The following RARB variants were observed in gnomAD, a reference collection of about 807,000 sequenced individuals.
RARB encodes HBV-activated protein.
In RARB, 17 loss-of-function variants were observed where a neutral mutation model predicts 51.9. That is an observed-to-expected ratio of 0.33 (90% CI 0.22 to 0.49). The LOEUF (loss-of-function observed/expected upper bound fraction) is 0.49. Among genes scored for constraint, RARB ranks in the 20% least tolerant of loss-of-function variants. The probability of loss-of-function intolerance (pLI) is 0.99; values close to 1 mark genes in which losing one functional copy is unlikely to be tolerated. For missense variants in RARB, 369 were observed against 550.8 expected (o/e 0.67, Z 3.30); for synonymous variants, 215 against 195.4 (o/e 1.10, Z -0.84).
At chr3:24,836,955 C>T (rs1702352899) in intron 1 of RARB, among the ~76,000 whole-genome samples, 1 of 152,136 alleles carries the variant, frequency 6.6e-6, no homozygotes, top group South Asian at 2.1e-4. Context: ...GGTTGGATGT[C>T]CATCAATAAA....
chr3:25,237,767 T>C (rs963621510), intron 5 of RARB, among the ~76,000 whole-genome samples: 44 of 152,176 alleles, frequency 2.9e-4, no homozygotes, highest in Non-Finnish European at 1.2e-4. Flanking sequence ...TGGCAAATGC[T>C]ACTCTAGTCT....
At chr3:25,114,612 T>C (rs1271952878) in intron 3 of RARB, among the ~76,000 whole-genome samples, 2 of 152,184 alleles carry the variant, frequency 1.3e-5, no homozygotes, top group African/African-American at 4.8e-5. Context: ...GCAAGTGTTA[T>C]TGGCAGCAAC....
intron 2 of RARB, among the ~76,000 whole-genome samples, chr3:25,057,012 C>T (rs1698454864): frequency 6.6e-6 from 1 of 152,064 alleles, no homozygotes; most frequent in South Asian, 2.1e-4. Flanking sequence ...TTCATGGTGG[C>T]ACTCCCCAGT....
rs555752779 is a variant in RARB, at chr3:25,242,619, G to A, written c.178+68044G>A. Among the ~76,000 whole-genome samples the A allele has an allele frequency of 2.6e-5, 4 of 152,244 alleles. No individual in the cohort carries two copies. The East Asian group carries it at 7.7e-4, about 29-fold the overall frequency. On this transcript the variant is annotated intron_variant, in intron 5 of 11. Transcript: ENST00000383772. ...GTTCATCAAAGATCAGATGGTTGTA[G>A]ATGTGTGGCGTTATTTCTGAGGGCT...
intron 2 of RARB, among the ~76,000 whole-genome samples, chr3:24,960,430 G>T (rs988480929): frequency 2.6e-5 from 4 of 152,148 alleles, no homozygotes; most frequent in Non-Finnish European, 5.9e-5. Flanking sequence ...CCCAACCTAT[G>T]ATGAGCTCCA....
At chr3:25,040,654 G>A (rs1013706762) in intron 2 of RARB, among the ~76,000 whole-genome samples, 1 of 152,040 alleles carries the variant, frequency 6.6e-6, no homozygotes, top group African/African-American at 2.4e-5. Flanking sequence ...TCAGGAGACT[G>A]AGGCAGAAGA....
At chr3:24,984,497 C>G (rs776980478) in intron 2 of RARB, among the ~76,000 whole-genome samples, 1 of 152,072 alleles carries the variant, frequency 6.6e-6, no homozygotes, top group African/African-American at 2.4e-5. Context: ...AATTTTTATT[C>G]TTTAAATTAT....
chr3:25,109,669 A>T (rs976211182), intron 3 of RARB, among the ~76,000 whole-genome samples: 1 of 152,170 alleles, frequency 6.6e-6, no homozygotes, highest in African/African-American at 2.4e-5. Context: ...GACTCTGCCT[A>T]TGGGGACACT....
At chr3:25,059,794 C>T (rs1314867528) in intron 2 of RARB, among the ~76,000 whole-genome samples, 3 of 151,546 alleles carry the variant, frequency 2.0e-5, no homozygotes, top group Non-Finnish European at 3.0e-5. Context: ...ATTCTTTGTC[C>T]CCCCAAATCA....
chr3:25,292,426 C>T (rs538126483), intron 5 of RARB, among the ~76,000 whole-genome samples: 12 of 152,090 alleles, frequency 7.9e-5, no homozygotes, highest in Non-Finnish European at 1.6e-4. Context: ...GGTGAGCTTT[C>T]TCTCAAAGAG....
chr3:25,571,262 G>A lies in RARB; in HGVS notation c.609+1344G>A, dbSNP rs189799617. On this transcript the variant is annotated intron_variant, in intron 4 of 7. Coordinates refer to ENST00000330688, the MANE Select transcript of RARB (RefSeq NM_000965.5). Reference sequence around the variant, plus strand: ...TGAGCAGTACTTTTCAAAACTCAGCGTGCATCTGAAGCACCTGGTGAACTC... The same window carrying A: ...TGAGCAGTACTTTTCAAAACTCAGCATGCATCTGAAGCACCTGGTGAACTC... 4.1e-4 allele frequency among the ~76,000 whole-genome samples: 62 copies of A among 152,326 alleles called. 1 individual carries two copies. Among genetic ancestry groups the A allele is most frequent in the Admixed American group, 3.7e-3 (56 of 15,300 alleles).
intron 5 of RARB, among the ~76,000 whole-genome samples, chr3:25,272,394 A>G (rs1261526673): frequency 6.6e-6 from 1 of 152,142 alleles, no homozygotes; most frequent in African/African-American, 2.4e-5. Flanking sequence ...GGTCTAGATA[A>G]TACTGCTAAT....
chr3:24,960,720 A>G (rs971059944), intron 2 of RARB, among the ~76,000 whole-genome samples: 2 of 152,186 alleles, frequency 1.3e-5, no homozygotes, highest in Non-Finnish European at 2.9e-5. Context: ...GTGTAAAGGA[A>G]GAGAAAATTG....
chr3:25,005,901 G>A (rs1697262013), intron 2 of RARB, among the ~76,000 whole-genome samples: 2 of 152,030 alleles, frequency 1.3e-5, no homozygotes, highest in African/African-American at 2.4e-5. Context: ...CCTATATTAT[G>A]CAGCCCCATT....
intron 2 of RARB, among the ~76,000 whole-genome samples, chr3:24,958,687 T>C (rs891442358): frequency 1.3e-5 from 2 of 152,182 alleles, no homozygotes; most frequent in Non-Finnish European, 2.9e-5. Context: ...TAAATAGAAG[T>C]TATAGAGTCC....
At chr3:25,270,446 T>C (rs906557989) in intron 5 of RARB, among the ~76,000 whole-genome samples, 1 of 152,184 alleles carries the variant, frequency 6.6e-6, no homozygotes, top group East Asian at 1.9e-4. Flanking sequence ...TAGAGATCTG[T>C]ACACCTAAAA....
intron 2 of RARB, among the ~76,000 whole-genome samples, chr3:25,022,153 T>C (rs187627075): frequency 2.0e-5 from 3 of 152,292 alleles, no homozygotes; most frequent in African/African-American, 7.2e-5. Flanking sequence ...AGTGTACATG[T>C]AGAAAAGTAA....
chr3:24,969,560 C>G (rs1173729382), intron 2 of RARB, among the ~76,000 whole-genome samples: 1 of 152,100 alleles, frequency 6.6e-6, no homozygotes, highest in South Asian at 2.1e-4. Context: ...TATTCTGTCT[C>G]TTTTATTTAT....
intron 2 of RARB, among the ~76,000 whole-genome samples, chr3:24,873,141 G>A (rs944342443): frequency 6.6e-6 from 1 of 152,158 alleles, no homozygotes; most frequent in African/African-American, 2.4e-5. Flanking sequence ...TTTGGCCCAT[G>A]CCCTGTGCTA....
Sources: gnomAD v4.1 joint callset for allele counts (sites outside exome capture counted in the v4.1 genomes callset) on GRCh38, gnomAD v4.1.1 for gene constraint, MANE v1.5 for transcripts, NCBI Gene and HGNC (gene_info 2026-07-23, HGNC 2026-07-21) for gene names.